The following LAMP2 variants were observed in gnomAD, a reference collection of about 807,000 sequenced individuals.
LAMP2 encodes the protein lysosome-associated membrane glycoprotein 2.
A neutral mutation model predicts 25.6 loss-of-function variants in LAMP2; 4 were observed. The observed-to-expected ratio is 0.16, with a 90% CI of 0.08 to 0.36. The LOEUF (loss-of-function observed/expected upper bound fraction) is 0.36, where lower values mean the gene tolerates loss of function less well. Among genes scored for constraint, LAMP2 ranks in the 10% least tolerant of loss-of-function variants. LAMP2 has a pLI of 1.00. For synonymous variants in LAMP2, 108 were observed against 112.7 expected (o/e 0.96, Z 0.27); for missense variants, 272 against 301.4 (o/e 0.90, Z 0.72).
chrX:120,456,641 A>C lies in LAMP2; in HGVS notation c.183+10T>G. 1 of 903,003 alleles carries C rather than the reference A, an allele frequency of 1.1e-6. No homozygotes were observed. Among genetic ancestry groups the C allele is most frequent in the Non-Finnish European group, 1.6e-6 (1 of 629,042 alleles). The allele number at this position is 903,003 out of a possible 1,213,427, so 74.4% of individuals were successfully genotyped here. ...ATAAAACTCAAAGAAAAATTAAAATATATACTTACATAAGTTTTATTTGTA... is the reference window on the plus strand; with the variant it reads ...ATAAAACTCAAAGAAAAATTAAAATCTATACTTACATAAGTTTTATTTGTA... On this transcript the variant is annotated intron_variant, in intron 2 of 8. Coordinates refer to ENST00000200639, the MANE Select transcript of LAMP2 (RefSeq NM_002294.3).
Position 120,431,303 on chromosome X carries a change from A to G in LAMP2, c.*20T>C, listed in dbSNP as rs935426216. ...TTGTTATTTGCATGTATTTTTATAT[A>G]ATCAATCAGGTTGCAGATTCTAAAA... On this transcript the variant is annotated 3_prime_UTR_variant, in exon 9 of 9. Coordinates refer to ENST00000200639, the MANE Select transcript of LAMP2 (RefSeq NM_002294.3). 2.5e-6 allele frequency: 3 copies of G among 1,208,783 alleles called. No homozygotes were observed. The highest frequency in any genetic ancestry group is 1.7e-5 in the African/African-American group (1 of 57,321).
Position 120,430,294 on chromosome X carries a change from A to AC in LAMP2, c.*1028dup, listed in dbSNP as rs999554973. ...TTTAATGCCAACAGCTTCTCTTTAC[A>AC]CCCCCATCTATGCACTGCCCCACAG... On this transcript the variant is annotated 3_prime_UTR_variant, in exon 9 of 9. Coordinates refer to ENST00000200639, the MANE Select transcript of LAMP2 (RefSeq NM_002294.3). 2 of 754,010 alleles carry AC rather than the reference A, an allele frequency of 2.7e-6. No individual in the cohort carries two copies. Among genetic ancestry groups the AC allele is most frequent in the African/African-American group, 2.3e-5 (1 of 43,798 alleles). 62.1% of individuals were successfully genotyped at this position (754,010 alleles called of 1,213,427 possible). A position where few individuals can be genotyped will look rare whatever the true frequency, so the allele number is the denominator to read the frequency against.
At chrX:120,469,347 C>G, upstream of LAMP2, 2 of 474,259 alleles carry the variant, frequency 4.2e-6, no homozygotes, top group Non-Finnish European at 7.3e-6. Flanking sequence ...GGGGCTCTTT[C>G]TTGCTTACAG....
At chrX:120,443,687 G>A (rs1239488408) in intron 6 of LAMP2, among the ~76,000 whole-genome samples, 1 of 111,905 alleles carries the variant, frequency 8.9e-6, no homozygotes, top group Admixed American at 9.5e-5. Flanking sequence ...GAGAAAAGAA[G>A]GCTTGAACTA....
At chrX:120,432,868 G>C in intron 8 of LAMP2, among the ~76,000 whole-genome samples, 1 of 108,590 alleles carries the variant, frequency 9.2e-6, no homozygotes, top group Non-Finnish European at 1.9e-5. Flanking sequence ...GCTGAGATGG[G>C]AGAACTGTTT....
At chrX:120,446,251 T>G in intron 6 of LAMP2, 54 bp downstream of exon 6, 6 of 1,129,448 alleles carry the variant, frequency 5.3e-6, no homozygotes, top group Non-Finnish European at 6.1e-6. Flanking sequence ...CTATTTAGAC[T>G]TTCAGATGTG....
chrX:120,465,343 CAG>C (rs1462705685), intron 1 of LAMP2, among the ~76,000 whole-genome samples: 1 of 101,380 alleles, frequency 9.9e-6, no homozygotes, highest in Non-Finnish European at 2.0e-5. Flanking sequence ...AACCAAAAAA[CAG>C]AAGTCAAGCT....
In LAMP2 at chrX:120,469,199, G is replaced by C; in HGVS notation, c.-30C>G. 8.3e-7 allele frequency: 1 copy of C among 1,203,991 alleles called. No homozygotes were observed. The highest frequency in any genetic ancestry group is 1.1e-6 in the Non-Finnish European group (1 of 888,531). ...CCGCAGAGCAGGCGGCGACGGCGGC[G>C]ACGGCGGCGGTACAACAACAGCTGC... On this transcript the variant is annotated 5_prime_UTR_variant, in exon 1 of 9. Transcript: ENST00000200639.
At chrX:120,451,759 C>T (rs192542201) in intron 3 of LAMP2, among the ~76,000 whole-genome samples, 1 of 111,866 alleles carries the variant, frequency 8.9e-6, no homozygotes, top group African/African-American at 3.2e-5. Context: ...AGCCACTGCG[C>T]CCAGCCATAA....
At chrX:120,436,173 CTCTCTCTCTCTCTCTG>C (rs1333888117) in intron 8 of LAMP2, among the ~76,000 whole-genome samples, 9 of 104,431 alleles carry the variant, frequency 8.6e-5, no homozygotes, top group South Asian at 4.1e-4. Flanking sequence ...CACACACACT[CTCTCTCTCTCTCTCTG>C]TCTCTCTCTC....
intron 1 of LAMP2, among the ~76,000 whole-genome samples, chrX:120,467,769 T>C (rs1428847068): frequency 1.8e-5 from 2 of 111,873 alleles, no homozygotes; most frequent in African/African-American, 3.3e-5. Flanking sequence ...ATTTATTTAT[T>C]TTTATTTTTT....
Position 120,429,246 on chromosome X carries a change from G to T in LAMP2, c.*2077C>A, listed in dbSNP as rs749840453. ...TAACAGCAGTATCTAATGCGTTGCA[G>T]TCCATTCCACCGAACCACCAGGAAA... On this transcript the variant is annotated 3_prime_UTR_variant, in exon 9 of 9. Transcript: ENST00000200639. 1.3e-5 allele frequency: 10 copies of T among 752,900 alleles called. No individual in the cohort carries two copies. The highest frequency in any genetic ancestry group is 1.6e-5 in the Non-Finnish European group (10 of 639,033). The allele number at this position is 752,900 out of a possible 1,213,427, so 62.0% of individuals were successfully genotyped here. A position where few individuals can be genotyped will look rare whatever the true frequency, so the allele number is the denominator to read the frequency against.
chrX:120,436,160 A>T (rs2058542379), intron 8 of LAMP2, among the ~76,000 whole-genome samples: 4 of 104,451 alleles, frequency 3.8e-5, no homozygotes, highest in African/African-American at 1.5e-4. Flanking sequence ...ACACACACAC[A>T]CACACACACA....
rs765285068 is a variant in LAMP2, at chrX:120,428,603, CAG to C, written c.*2718_*2719del. ...GCAACAGGAATAAGAAAGTTGAGGT[CAG>C]AGTCAGCAGAACATTCTTCAGCTGT... On this transcript the variant is annotated 3_prime_UTR_variant, in exon 9 of 9. Coordinates refer to ENST00000200639, the MANE Select transcript of LAMP2 (RefSeq NM_002294.3). 2 of 1,189,247 alleles carry C rather than the reference CAG, an allele frequency of 1.7e-6. No homozygotes were observed. Among genetic ancestry groups the C allele is most frequent in the East Asian group, 6.0e-5 (2 of 33,073 alleles).
At chrX:120,450,740 C>G (rs142675456) in intron 3 of LAMP2, among the ~76,000 whole-genome samples, 1,221 of 110,378 alleles carry the variant, frequency 0.011, 25 homozygotes, top group African/African-American at 0.037. Context: ...AACGTTTTAT[C>G]TTTTTAATCA....
intron 1 of LAMP2, among the ~76,000 whole-genome samples, chrX:120,464,042 T>C (rs1014955373): frequency 4.5e-5 from 5 of 110,582 alleles, no homozygotes; most frequent in Non-Finnish European, 9.5e-5. Flanking sequence ...GTTAAGCCTA[T>C]AGAAAAATCT....
chrX:120,465,336 C>CCA (rs1921492346), intron 1 of LAMP2, among the ~76,000 whole-genome samples: 3 of 88,330 alleles, frequency 3.4e-5, no homozygotes, highest in African/African-American at 1.2e-4. Context: ...ACAAACAAAC[C>CCA]AAAAAACAGA....
chrX:120,446,327 T>C lies in LAMP2; in HGVS notation c.842A>G (p.Tyr281Cys), dbSNP rs397516748. The C allele has an allele frequency of 8.3e-7, 1 of 1,206,932 alleles. No homozygotes were observed. Among genetic ancestry groups the C allele is most frequent in the African/African-American group, 1.7e-5 (1 of 57,661 alleles). ...CACCACAGCAAAGACAAAGTCTAGATACTTAATGGTGCTGCTATTGAGTCT... is the reference window on the plus strand; with the variant it reads ...CACCACAGCAAAGACAAAGTCTAGACACTTAATGGTGCTGCTATTGAGTCT... ...LLRLNSSTIK[Y>C]LDFVFAVKNE... Residue 281 changes from tyrosine (Y) to cysteine (C), a missense_variant, in exon 6 of 9, where the codon TAT becomes TGT. Transcript: ENST00000200639.
intron 4 of LAMP2, 88 bp from the exon 5 acceptor site, chrX:120,448,113 A>G (rs2058606247): frequency 1.2e-6 from 1 of 816,308 alleles, no homozygotes; most frequent in African/African-American, 2.0e-5. Context: ...AATTCTCATA[A>G]TAGAAGTCCA....
Sources: gnomAD v4.1 joint callset for allele counts (sites outside exome capture counted in the v4.1 genomes callset) on GRCh38, gnomAD v4.1.1 for gene constraint, MANE v1.5 for transcripts, NCBI Gene and HGNC (gene_info 2026-07-23, HGNC 2026-07-21) for gene names.